ITGBL1: variants seen among roughly 807,000 people sequenced by gnomAD.
ITGBL1 encodes the protein integrin subunit beta like 1.
Under a neutral mutation model 68.5 loss-of-function variants are expected in ITGBL1, and 51 were observed. That is an observed-to-expected ratio of 0.74 (90% CI 0.59 to 0.94). The LOEUF is 0.94. ITGBL1 is among the 40% of genes least tolerant of loss of function. The pLI, the probability that ITGBL1 is intolerant of heterozygous loss-of-function variation, is 0.00. For missense variants in ITGBL1, 649 were observed against 647.4 expected (o/e 1.00, Z -0.03); for synonymous variants, 209 against 227.3 (o/e 0.92, Z 0.72).
intron 7 of ITGBL1, among the ~76,000 whole-genome samples, chr13:101,676,781 GAAT>G (rs2033513395): frequency 6.6e-6 from 1 of 152,128 alleles, no homozygotes; most frequent in Non-Finnish European, 1.5e-5. Context: ...GTCGGTTGAA[GAAT>G]AATGTCAGTA....
intron 8 of ITGBL1, among the ~76,000 whole-genome samples, chr13:101,705,638 A>G (rs2034245905): frequency 6.6e-6 from 1 of 152,184 alleles, no homozygotes; most frequent in African/African-American, 2.4e-5. Context: ...AATAATTATA[A>G]TAATTAATTG....
chr13:101,528,386 ATTG>A (rs1487038377), intron 2 of ITGBL1, among the ~76,000 whole-genome samples: 9 of 151,600 alleles, frequency 5.9e-5, no homozygotes, highest in Non-Finnish European at 1.3e-4. Flanking sequence ...GTTTGTGTAC[ATTG>A]TTGTTTATAA....
At chr13:101,519,507 T>G (rs559864513) in intron 2 of ITGBL1, among the ~76,000 whole-genome samples, 1 of 152,198 alleles carries the variant, frequency 6.6e-6, no homozygotes, top group South Asian at 2.1e-4. Flanking sequence ...ACTCCTTCCT[T>G]CCTGCCTGTC....
Position 101,493,889 on chromosome 13 carries a change from T to C in ITGBL1, c.316+39789T>C, listed in dbSNP as rs145123619. On this transcript the variant is annotated intron_variant, in intron 2 of 10. Transcript: ENST00000376180. ...AGTATGTTGCCATCTGTTGCTAGTT[T>C]CTAATTTCAGATCCATTTAAGAGAT... Among the ~76,000 whole-genome samples, 42 of 152,376 alleles carry C rather than the reference T, an allele frequency of 2.8e-4. No homozygotes were observed. In the East Asian group the frequency reaches 8.1e-3, roughly 29 times the overall value.
At chr13:101,575,584 C>G in intron 4 of ITGBL1, 38 bp downstream of exon 4, 1 of 1,590,498 alleles carries the variant, frequency 6.3e-7, no homozygotes, top group South Asian at 1.1e-5. Flanking sequence ...ATAAAAGTAC[C>G]TGTTTTTTTC....
chr13:101,580,642 A>C (rs1206838710), intron 5 of ITGBL1, among the ~76,000 whole-genome samples: 1 of 152,012 alleles, frequency 6.6e-6, no homozygotes, highest in Non-Finnish European at 1.5e-5. Context: ...TCCTGTGTCC[A>C]ATGTGTTTTC....
chr13:101,609,140 C>A (rs1448960172), intron 7 of ITGBL1, among the ~76,000 whole-genome samples: 1 of 151,986 alleles, frequency 6.6e-6, no homozygotes, highest in African/African-American at 2.4e-5. Context: ...GCCTGTTTAT[C>A]ATTTGCTTTC....
intron 7 of ITGBL1, among the ~76,000 whole-genome samples, chr13:101,635,935 T>A (rs1222321382): frequency 6.6e-6 from 1 of 152,138 alleles, no homozygotes; most frequent in Non-Finnish European, 1.5e-5. Context: ...AAACAATTAC[T>A]GTTTACCTAA....
At chr13:101,687,496 C>T (rs542004783) in intron 7 of ITGBL1, among the ~76,000 whole-genome samples, 2 of 151,858 alleles carry the variant, frequency 1.3e-5, no homozygotes, top group African/African-American at 4.8e-5. Context: ...TATAATTTGT[C>T]TATATTTTAC....
chr13:101,473,773 T>C (rs1160162474), intron 2 of ITGBL1, among the ~76,000 whole-genome samples: 3 of 152,098 alleles, frequency 2.0e-5, no homozygotes, highest in Non-Finnish European at 4.4e-5. Flanking sequence ...TCTTACAACT[T>C]GCATACCAGC....
chr13:101,623,141 TTG>T (rs1331626484), intron 7 of ITGBL1, among the ~76,000 whole-genome samples: 3 of 152,110 alleles, frequency 2.0e-5, no homozygotes, highest in Non-Finnish European at 4.4e-5. Context: ...TCTATTTAAA[TTG>T]TGTGTTTTGA....
At chr13:101,690,253 T>A (rs375384484) in intron 7 of ITGBL1, among the ~76,000 whole-genome samples, 8 of 152,178 alleles carry the variant, frequency 5.3e-5, no homozygotes, top group African/African-American at 1.9e-4. Flanking sequence ...ACAGAAATTA[T>A]CCACAATGAA....
chr13:101,532,103 G>A (rs544038357), intron 2 of ITGBL1, among the ~76,000 whole-genome samples: 2 of 151,938 alleles, frequency 1.3e-5, no homozygotes, highest in Non-Finnish European at 2.9e-5. Context: ...AATAAGTTGT[G>A]TATCTGTATT....
chr13:101,522,346 C>A (rs1215379998), intron 2 of ITGBL1, among the ~76,000 whole-genome samples: 4 of 152,110 alleles, frequency 2.6e-5, no homozygotes, highest in African/African-American at 9.7e-5. Context: ...AGCTACACTA[C>A]AAGAAGGAGA....
chr13:101,483,402 C>T (rs1490733116), intron 2 of ITGBL1, among the ~76,000 whole-genome samples: 1 of 152,196 alleles, frequency 6.6e-6, no homozygotes, highest in Non-Finnish European at 1.5e-5. Flanking sequence ...GACAATGTGT[C>T]ACAAACAGCA....
intron 7 of ITGBL1, among the ~76,000 whole-genome samples, chr13:101,618,016 C>T (rs1451490079): frequency 2.0e-5 from 3 of 152,072 alleles, no homozygotes; most frequent in African/African-American, 7.2e-5. Context: ...GTTACATTGG[C>T]AATATAAGGT....
chr13:101,508,592 A>C (rs1273116124), intron 2 of ITGBL1, among the ~76,000 whole-genome samples: 1 of 152,114 alleles, frequency 6.6e-6, no homozygotes, highest in Non-Finnish European at 1.5e-5. Context: ...TAAAGCTTAG[A>C]GGGTGTGTTT....
intron 7 of ITGBL1, among the ~76,000 whole-genome samples, chr13:101,634,001 C>CTAAA (rs149002444): frequency 0.12 from 18,417 of 152,026 alleles, 1,587 homozygotes; most frequent in African/African-American, 0.25. Flanking sequence ...TGAAATATGA[C>CTAAA]TAAGATTTTG....
At chr13:101,631,084 T>A (rs990988097) in intron 7 of ITGBL1, among the ~76,000 whole-genome samples, 2 of 152,180 alleles carry the variant, frequency 1.3e-5, no homozygotes, top group African/African-American at 4.8e-5. Context: ...CTCTGATATA[T>A]CCTGCAGTAA....
Sources: allele counts gnomAD v4.1 joint callset (sites outside exome capture counted in the v4.1 genomes callset), GRCh38; gene constraint gnomAD v4.1.1; transcripts MANE v1.5; gene names NCBI Gene and HGNC (gene_info 2026-07-23, HGNC 2026-07-21).